Variants in RARB observed in about 807,000 individuals in gnomAD.
RARB encodes the protein retinoic acid receptor beta.
Under a neutral mutation model 51.9 loss-of-function variants are expected in RARB, and 17 were observed. The observed-to-expected ratio is 0.33, with a 90% CI of 0.22 to 0.49. RARB has a LOEUF of 0.49. Ranked by LOEUF, RARB falls within the 20% of genes least tolerant of loss-of-function variation. RARB has a pLI of 0.99. For missense variants in RARB, 369 were observed against 550.8 expected (o/e 0.67, Z 3.30); for synonymous variants, 215 against 195.4 (o/e 1.10, Z -0.84).
rs143747849 is a variant in RARB, at chr3:25,568,292, G to A, written c.449-1466G>A. 4.1e-3 allele frequency among the ~76,000 whole-genome samples: 617 copies of A among 152,280 alleles called. 1 individual carries two copies. Among genetic ancestry groups the A allele is most frequent in the Non-Finnish European group, 5.9e-3 (404 of 68,024 alleles). The stretch of plus-strand genomic sequence containing the variant: ...GAACTTCTCAACCACGTGAACTTGA[G>A]CATATTTCTTAGCTTCTCCAAGACT... On this transcript the variant is annotated intron_variant, in intron 3 of 7. Transcript: ENST00000330688.
intron 2 of RARB, among the ~76,000 whole-genome samples, chr3:24,883,212 A>G (rs1703202857): frequency 2.0e-5 from 3 of 152,210 alleles, no homozygotes; most frequent in Non-Finnish European, 2.9e-5. Flanking sequence ...ACTGAAGTCA[A>G]TTGATATTTT....
At chr3:25,054,099 C>G (rs1698391846) in intron 2 of RARB, among the ~76,000 whole-genome samples, 1 of 152,090 alleles carries the variant, frequency 6.6e-6, no homozygotes, top group South Asian at 2.1e-4. Context: ...AAGCTAAAAC[C>G]TATGAATAAA....
chr3:25,496,719 C>T (rs1482984388), intron 2 of RARB, among the ~76,000 whole-genome samples: 13 of 152,184 alleles, frequency 8.5e-5, no homozygotes, highest in Non-Finnish European at 4.4e-5. Flanking sequence ...GGAGAGGAAG[C>T]ATCCATGTAT....
At chr3:25,252,059 T>G (rs1702736243) in intron 5 of RARB, among the ~76,000 whole-genome samples, 1 of 152,198 alleles carries the variant, frequency 6.6e-6, no homozygotes, top group Admixed American at 6.5e-5. Context: ...GGGTCTAATC[T>G]TACTCTTTTA....
intron 2 of RARB, among the ~76,000 whole-genome samples, chr3:25,489,122 A>G (rs1291583805): frequency 6.6e-6 from 1 of 152,280 alleles, no homozygotes; most frequent in Non-Finnish European, 1.5e-5. Flanking sequence ...ATTTTCATAT[A>G]GCATGGTGCT....
intron 3 of RARB, among the ~76,000 whole-genome samples, chr3:25,562,199 T>G (rs953908993): frequency 6.6e-6 from 1 of 152,122 alleles, no homozygotes; most frequent in Non-Finnish European, 1.5e-5. Flanking sequence ...AAGAATTTCC[T>G]GCCTATGAAA....
intron 5 of RARB, among the ~76,000 whole-genome samples, chr3:25,383,980 A>G (rs77462464): frequency 0.02 from 2,999 of 152,220 alleles, 96 homozygotes; most frequent in African/African-American, 0.069. Context: ...CAACATGTAC[A>G]TAGGTATTAG....
At chr3:25,191,718 C>A (rs560390271) in intron 5 of RARB, among the ~76,000 whole-genome samples, 1 of 152,062 alleles carries the variant, frequency 6.6e-6, no homozygotes, top group African/African-American at 2.4e-5. Flanking sequence ...AATGGCACCT[C>A]CCAAACCAGA....
chr3:24,904,983 G>A (rs1224769555), intron 2 of RARB, among the ~76,000 whole-genome samples: 4 of 152,160 alleles, frequency 2.6e-5, no homozygotes, highest in Non-Finnish European at 5.9e-5. Context: ...TGGGCACAGG[G>A]AGGGGAACAT....
chr3:25,475,288 C>T (rs531318504), intron 2 of RARB, among the ~76,000 whole-genome samples: 68 of 152,100 alleles, frequency 4.5e-4, no homozygotes, highest in South Asian at 2.3e-3. Context: ...TTCTCCACTA[C>T]GTACACTATC....
At chr3:25,024,492 G>A (rs1371414137) in intron 2 of RARB, among the ~76,000 whole-genome samples, 1 of 152,118 alleles carries the variant, frequency 6.6e-6, no homozygotes, top group Admixed American at 6.6e-5. Context: ...GCAACAAAAT[G>A]TGCCTTTGAG....
At chr3:25,110,295 T>G (rs1699579342) in intron 3 of RARB, among the ~76,000 whole-genome samples, 1 of 152,222 alleles carries the variant, frequency 6.6e-6, no homozygotes, top group Admixed American at 6.5e-5. Flanking sequence ...CGAACATGTT[T>G]ACAGCATTCT....
At chr3:24,913,423 G>A (rs1404696197) in intron 2 of RARB, among the ~76,000 whole-genome samples, 2 of 111,766 alleles carry the variant, frequency 1.8e-5, no homozygotes, top group African/African-American at 8.0e-5. Context: ...TTTTTTTTTG[G>A]TCAGAGATCG....
At chr3:24,849,743 G>C (rs1702533248) in intron 1 of RARB, among the ~76,000 whole-genome samples, 1 of 152,196 alleles carries the variant, frequency 6.6e-6, no homozygotes, top group Non-Finnish European at 1.5e-5. Flanking sequence ...GAGCATACCT[G>C]TTTACCCATT....
chr3:25,038,842 T>C (rs190259728), intron 2 of RARB, among the ~76,000 whole-genome samples: 2 of 152,330 alleles, frequency 1.3e-5, no homozygotes, highest in Admixed American at 6.5e-5. Flanking sequence ...GGGTATGATT[T>C]GAAAAGACAA....
chr3:25,392,068 T>C (rs1318370738), intron 5 of RARB, among the ~76,000 whole-genome samples: 2 of 152,216 alleles, frequency 1.3e-5, no homozygotes, highest in Admixed American at 6.5e-5. Context: ...GATTTTTGTA[T>C]GAAGTGAGAG....
intron 4 of RARB, among the ~76,000 whole-genome samples, chr3:25,570,546 C>A (rs995908214): frequency 2.6e-5 from 4 of 152,154 alleles, no homozygotes; most frequent in African/African-American, 9.7e-5. Flanking sequence ...TAGGAATGGC[C>A]TTTCACTGAG....
intron 5 of RARB, among the ~76,000 whole-genome samples, chr3:25,203,636 A>G (rs201980036): frequency 9.2e-5 from 14 of 152,184 alleles, no homozygotes; most frequent in African/African-American, 1.4e-4. Context: ...GGTGGTGACA[A>G]AATCTCTCAG....
chr3:25,096,374 A>G (rs968934878), intron 3 of RARB, among the ~76,000 whole-genome samples: 2 of 152,166 alleles, frequency 1.3e-5, no homozygotes, highest in African/African-American at 2.4e-5. Flanking sequence ...ACCAGATACC[A>G]TTGGAGAAAT....
Sources: allele counts gnomAD v4.1 joint callset (sites outside exome capture counted in the v4.1 genomes callset), GRCh38; gene constraint gnomAD v4.1.1; transcripts MANE v1.5; gene names NCBI Gene and HGNC (gene_info 2026-07-23, HGNC 2026-07-21).